Variants in SH3RF3 observed in about 807,000 individuals in gnomAD.
SH3RF3 encodes SH3 domain containing ring finger 3.
Under a neutral mutation model 66.3 loss-of-function variants are expected in SH3RF3, and 29 were observed. The observed-to-expected ratio is 0.44, with a 90% CI of 0.33 to 0.60. The LOEUF is 0.60. Among genes scored for constraint, SH3RF3 ranks in the 20% least tolerant of loss-of-function variants. The pLI, the probability that SH3RF3 is intolerant of heterozygous loss-of-function variation, is 0.04. For synonymous variants in SH3RF3, 583 were observed against 532.0 expected (o/e 1.10, Z -1.32); for missense variants, 1,194 against 1,190.9 (o/e 1.00, Z -0.04).
At chr2:109,282,395 A>G (rs1680916567) in intron 1 of SH3RF3, among the ~76,000 whole-genome samples, 1 of 152,184 alleles carries the variant, frequency 6.6e-6, no homozygotes, top group Non-Finnish European at 1.5e-5. Flanking sequence ...ATACCAAAAC[A>G]TGGGTGTGAA....
intron 1 of SH3RF3, among the ~76,000 whole-genome samples, chr2:109,256,027 T>C (rs1393213818): frequency 6.6e-6 from 1 of 152,228 alleles, no homozygotes; most frequent in African/African-American, 2.4e-5. Context: ...CATACTCTCT[T>C]ACTGTCCTCT....
rs543084529 is a variant in SH3RF3 at position 109,438,128 on chromosome 2, C to G, written c.1828+982C>G. Among the ~76,000 whole-genome samples the G allele has an allele frequency of 9.2e-5, 14 of 152,362 alleles. No homozygotes were observed. In the East Asian group the frequency reaches 2.7e-3, roughly 29 times the overall value. ...TAGAAGTGTCCAGAAAGCAGCTTCTCAAGTGTGGAAAGAGGAGACAACACT... is the reference window on the plus strand; with the variant it reads ...TAGAAGTGTCCAGAAAGCAGCTTCTGAAGTGTGGAAAGAGGAGACAACACT... On this transcript the variant is annotated intron_variant, in intron 7 of 9. Coordinates refer to ENST00000309415, the MANE Select transcript of SH3RF3 (RefSeq NM_001099289.3).
chr2:109,312,303 C>G (rs1053686553), intron 1 of SH3RF3, among the ~76,000 whole-genome samples: 2 of 152,142 alleles, frequency 1.3e-5, no homozygotes, highest in Non-Finnish European at 2.9e-5. Flanking sequence ...GCTTCCCACT[C>G]GAGGTTGGCT....
intron 1 of SH3RF3, among the ~76,000 whole-genome samples, chr2:109,135,290 G>A (rs1465538202): frequency 2.6e-5 from 4 of 152,186 alleles, no homozygotes; most frequent in African/African-American, 7.2e-5. Flanking sequence ...CTCCTGAGGC[G>A]GTGGCCTGCC....
intron 1 of SH3RF3, among the ~76,000 whole-genome samples, chr2:109,238,654 T>A (rs1291576005): frequency 6.6e-6 from 1 of 152,120 alleles, no homozygotes; most frequent in African/African-American, 2.4e-5. Context: ...CAGAGTGTGA[T>A]GAATGGAGGA....
chr2:109,386,485 C>T (rs1023402883), intron 3 of SH3RF3, among the ~76,000 whole-genome samples: 4 of 151,984 alleles, frequency 2.6e-5, no homozygotes, highest in African/African-American at 4.8e-5. Context: ...GCTCAGCAGG[C>T]GGGCTGTCCC....
intron 7 of SH3RF3, among the ~76,000 whole-genome samples, chr2:109,439,057 C>T (rs1253736954): frequency 2.6e-5 from 4 of 152,156 alleles, no homozygotes; most frequent in Non-Finnish European, 4.4e-5. Context: ...CACACCAAGC[C>T]TTGCTAGAAA....
rs5833319 is a variant in SH3RF3, at chr2:109,187,361, C to CTTT, written c.573+57257_573+57259dup. 2.4e-3 allele frequency among the ~76,000 whole-genome samples: 361 copies of CTTT among 150,380 alleles called. 3 individuals carry two copies. The highest frequency in any genetic ancestry group is 3.1e-3 in the Non-Finnish European group (206 of 67,482). ...CCAGAGTGCAAAAGACAACCACAGA[C>CTTT]TTTTTTTTTTTAAAGGTATTATTTA... is the stretch of plus-strand genomic sequence containing the variant. On this transcript the variant is annotated intron_variant, in intron 1 of 9. Transcript: ENST00000309415.
chr2:109,170,316 CCTCTCTCT>C (rs141565429), intron 1 of SH3RF3, among the ~76,000 whole-genome samples: 2 of 135,732 alleles, frequency 1.5e-5, no homozygotes, highest in African/African-American at 2.9e-5. Flanking sequence ...TCTCTTCTCT[CCTCTCTCT>C]CTCTCCTCTC....
chr2:109,469,827 C>A (rs1678456330), intron 8 of SH3RF3, among the ~76,000 whole-genome samples: 1 of 152,176 alleles, frequency 6.6e-6, no homozygotes, highest in African/African-American at 2.4e-5. Flanking sequence ...CGAATTTTTC[C>A]AGCCGTTGGT....
intron 1 of SH3RF3, among the ~76,000 whole-genome samples, chr2:109,148,308 C>T (rs541314776): frequency 3.9e-5 from 6 of 152,372 alleles, no homozygotes; most frequent in South Asian, 4.1e-4. Flanking sequence ...TCCACCGGGA[C>T]GGTGTGCTGC....
chr2:109,283,530 G>A (rs1488728530), intron 1 of SH3RF3, among the ~76,000 whole-genome samples: 1 of 152,116 alleles, frequency 6.6e-6, no homozygotes, highest in African/African-American at 2.4e-5. Flanking sequence ...GGGGAGGGAT[G>A]GGCCACCCAG....
At chr2:109,474,617 G>T (rs569277253) in intron 8 of SH3RF3, among the ~76,000 whole-genome samples, 9 of 152,208 alleles carry the variant, frequency 5.9e-5, no homozygotes, top group Admixed American at 3.3e-4. Context: ...GGCAGGGGGG[G>T]AGAACGCAGG....
At chr2:109,224,632 C>G (rs1679330249) in intron 1 of SH3RF3, among the ~76,000 whole-genome samples, 1 of 152,178 alleles carries the variant, frequency 6.6e-6, no homozygotes, top group East Asian at 1.9e-4. Flanking sequence ...CCAAGGCGGG[C>G]AGATCACTTG....
chr2:109,422,276 C>T (rs973859917), intron 5 of SH3RF3, among the ~76,000 whole-genome samples: 1 of 152,192 alleles, frequency 6.6e-6, no homozygotes, highest in African/African-American at 2.4e-5. Context: ...CCAGATGGGG[C>T]TGATGTGAAA....
chr2:109,285,346 C>A (rs974818832), intron 1 of SH3RF3, among the ~76,000 whole-genome samples: 2 of 152,344 alleles, frequency 1.3e-5, no homozygotes, highest in East Asian at 1.9e-4. Context: ...GTTAAGCCAG[C>A]TTGTGAGTCA....
chr2:109,371,267 G>A (rs1200608874), intron 2 of SH3RF3, among the ~76,000 whole-genome samples: 1 of 152,254 alleles, frequency 6.6e-6, no homozygotes, highest in Admixed American at 6.5e-5. Flanking sequence ...GCACACGCCT[G>A]TAATCCCAGC....
At chr2:109,451,608 C>G (rs1677869053) in intron 8 of SH3RF3, among the ~76,000 whole-genome samples, 1 of 152,232 alleles carries the variant, frequency 6.6e-6, no homozygotes, top group Admixed American at 6.5e-5. Flanking sequence ...CTAATGAACA[C>G]CAGCTGAGTC....
intron 8 of SH3RF3, among the ~76,000 whole-genome samples, chr2:109,486,861 A>G (rs965158471): frequency 6.6e-6 from 1 of 152,182 alleles, no homozygotes; most frequent in Admixed American, 6.5e-5. Flanking sequence ...TTCTCGGCAG[A>G]TCTGTCTCCC....
Sources: allele counts gnomAD v4.1 joint callset (sites outside exome capture counted in the v4.1 genomes callset), GRCh38; gene constraint gnomAD v4.1.1; transcripts MANE v1.5; gene names NCBI Gene and HGNC (gene_info 2026-07-23, HGNC 2026-07-21).